MECOM: variants seen among roughly 807,000 people sequenced by gnomAD.
The protein encoded by MECOM is MDS1 and EVI1 complex locus, also known as histone-lysine N-methyltransferase MECOM.
MECOM carries 13 observed loss-of-function variants against 116.3 expected under a neutral mutation model. The observed-to-expected ratio is 0.11, with a 90% CI of 0.07 to 0.18. MECOM has a LOEUF of 0.18. Ranked by LOEUF, MECOM falls within the 10% of genes least tolerant of loss-of-function variation. The probability of loss-of-function intolerance (pLI) is 1.00; values close to 1 mark genes in which losing one functional copy is unlikely to be tolerated. For missense variants in MECOM, 1,299 were observed against 1,509.0 expected (o/e 0.86, Z 2.31); for synonymous variants, 528 against 535.2 (o/e 0.99, Z 0.19).
At chr3:169,099,114 A>G (rs1178058962) in intron 12 of MECOM, among the ~76,000 whole-genome samples, 2 of 98,382 alleles carry the variant, frequency 2.0e-5, no homozygotes, top group African/African-American at 4.9e-5. Context: ...TTCTGCAAGG[A>G]AAAAAAAAAA....
At chr3:169,629,025 A>G (rs1771741277) in intron 1 of MECOM, among the ~76,000 whole-genome samples, 1 of 151,838 alleles carries the variant, frequency 6.6e-6, no homozygotes, top group African/African-American at 2.4e-5. Context: ...GTGGTGTTTG[A>G]CTTCCCAAAG....
intron 2 of MECOM, among the ~76,000 whole-genome samples, chr3:169,354,471 A>G (rs1158437106): frequency 1.3e-5 from 2 of 151,942 alleles, no homozygotes; most frequent in African/African-American, 4.8e-5. Flanking sequence ...AGCTACTTTC[A>G]TAGGACACAA....
chr3:169,612,526 C>T (rs1769416295), intron 1 of MECOM, among the ~76,000 whole-genome samples: 2 of 151,728 alleles, frequency 1.3e-5, no homozygotes, highest in Admixed American at 1.3e-4. Flanking sequence ...TAGTTTTAAT[C>T]TGTATGTTCC....
intron 2 of MECOM, among the ~76,000 whole-genome samples, chr3:169,307,428 G>T (rs1239286447): frequency 1.3e-5 from 2 of 152,134 alleles, no homozygotes; most frequent in East Asian, 3.9e-4. Flanking sequence ...CCAAAAATTA[G>T]CTGGGTGTGG....
At chr3:169,459,915 T>C (rs533930412) in intron 1 of MECOM, among the ~76,000 whole-genome samples, 1 of 152,294 alleles carries the variant, frequency 6.6e-6, no homozygotes, top group South Asian at 2.1e-4. Flanking sequence ...GGCGTTAGTA[T>C]ACACCCCGAA....
chr3:169,503,019 T>G (rs1389201398), intron 1 of MECOM, among the ~76,000 whole-genome samples: 1 of 152,174 alleles, frequency 6.6e-6, no homozygotes, highest in Non-Finnish European at 1.5e-5. Flanking sequence ...ATGGCAACCA[T>G]TATTTAAGTA....
chr3:169,294,143 T>C (rs955440976), intron 2 of MECOM, among the ~76,000 whole-genome samples: 1 of 152,120 alleles, frequency 6.6e-6, no homozygotes, highest in Admixed American at 6.5e-5. Flanking sequence ...TTTTGGTTAG[T>C]TGATTAGTGA....
At position 169,495,130 on chromosome 3, in the gene MECOM, T is replaced by C. The variant is rs1314208270; in HGVS notation, c.38-113606A>G. On this transcript the variant is annotated intron_variant, in intron 1 of 16. Coordinates refer to ENST00000651503, the MANE Select transcript of MECOM (RefSeq NM_004991.4). ...GTAATCCTGATTCCATTCATCTTTT[T>C]TCATCAGTGCTATTTTCCAACCCGT... Among the ~76,000 whole-genome samples, 6 of 152,324 alleles carry C rather than the reference T, an allele frequency of 3.9e-5. No individual in the cohort carries two copies. In the East Asian group the frequency reaches 9.6e-4, roughly 24 times the overall value.
At chr3:169,407,002 C>T (rs1736815992) in intron 1 of MECOM, among the ~76,000 whole-genome samples, 1 of 151,888 alleles carries the variant, frequency 6.6e-6, no homozygotes, top group Admixed American at 6.6e-5. Flanking sequence ...GCCACCACGC[C>T]CAGCTAATTT....
At chr3:169,533,591 T>TTTTTTTTTTTTTTTTTTAC (rs55667588) in intron 1 of MECOM, among the ~76,000 whole-genome samples, 4 of 132,236 alleles carry the variant, frequency 3.0e-5, no homozygotes, top group Non-Finnish European at 4.8e-5. Context: ...TTTTTTTTTT[T>TTTTTTTTTTTTTTTTTTAC]ATTTCCTTAT....
intron 2 of MECOM, among the ~76,000 whole-genome samples, chr3:169,279,425 A>T (rs1456296952): frequency 2.0e-5 from 3 of 152,298 alleles, no homozygotes; most frequent in African/African-American, 7.2e-5. Flanking sequence ...GTTCAGTGGG[A>T]AATATGTTTT....
rs190284077 is a variant in MECOM, at chr3:169,657,282, C to T, written c.37+6054G>A. On this transcript the variant is annotated intron_variant, in intron 1 of 16. Coordinates refer to ENST00000651503, the MANE Select transcript of MECOM (RefSeq NM_004991.4). Reference sequence around the variant, plus strand: ...CTTAGTTGGGGTTTTTATTAAAATTCGCTATCACGATCCCTCTAGGTAACC... The same window carrying T: ...CTTAGTTGGGGTTTTTATTAAAATTTGCTATCACGATCCCTCTAGGTAACC... 2.4e-4 allele frequency among the ~76,000 whole-genome samples: 36 copies of T among 152,290 alleles called. No individual in the cohort carries two copies. The East Asian group carries it at 5.6e-3, about 24-fold the overall frequency.
chr3:169,261,146 T>C (rs569069506), intron 2 of MECOM, among the ~76,000 whole-genome samples: 1 of 152,332 alleles, frequency 6.6e-6, no homozygotes, highest in African/African-American at 2.4e-5. Context: ...TGAGATGTTA[T>C]ATCCTAAAGA....
At chr3:169,125,716 C>A (rs942761970) in intron 5 of MECOM, among the ~76,000 whole-genome samples, 3 of 152,130 alleles carry the variant, frequency 2.0e-5, no homozygotes, top group African/African-American at 7.2e-5. Flanking sequence ...GTCAGTGAGA[C>A]TTCTCTGCTT....
chr3:169,400,908 T>C (rs527420633), intron 1 of MECOM, among the ~76,000 whole-genome samples: 1 of 152,308 alleles, frequency 6.6e-6, no homozygotes, highest in South Asian at 2.1e-4. Flanking sequence ...TGCTGATGTA[T>C]GGATTCAGAA....
At chr3:169,089,966 T>C in intron 15 of MECOM, 34 bp downstream of exon 15, 1 of 1,597,516 alleles carries the variant, frequency 6.3e-7, no homozygotes, top group Non-Finnish European at 8.5e-7. Context: ...GGATCTACTC[T>C]AGCTTAGTTT....
intron 1 of MECOM, among the ~76,000 whole-genome samples, chr3:169,630,329 G>C (rs575576562): frequency 1.3e-5 from 2 of 152,128 alleles, no homozygotes; most frequent in East Asian, 3.9e-4. Flanking sequence ...ACCTCAGAAA[G>C]TCACCTTGGT....
intron 2 of MECOM, among the ~76,000 whole-genome samples, chr3:169,191,909 AG>A (rs1274062719): frequency 1.3e-5 from 2 of 152,028 alleles, no homozygotes; most frequent in Non-Finnish European, 2.9e-5. Flanking sequence ...CAGATTGTGA[AG>A]AAAAAGTGGA....
rs752754996 is a variant in MECOM, at chr3:169,143,803, G to T, written c.405C>A (p.Phe135Leu). ...EILDEFYNVK[F>L]CIDASQPDVG... ...CATCTGGTTGACTGGCATCTATGCA[G>T]AACTTCACATTGTAAAATTCGTCTA... The change falls in exon 3 of 17, where the codon TTC (phenylalanine) becomes TTA (leucine). Residue 135 changes from phenylalanine (F) to leucine (L), a missense_variant. Phe to Leu is a conservative substitution (Grantham distance 22). This residue lies in a region of MECOM where 374 missense variants were observed against 433.4 expected (regional missense o/e 0.86). Transcript: ENST00000651503. The T allele has an allele frequency of 5.8e-5, 93 of 1,608,496 alleles. No homozygotes were observed. The highest frequency in any genetic ancestry group is 7.8e-5 in the Non-Finnish European group (92 of 1,177,608).
Sources: gnomAD v4.1 joint callset for allele counts (sites outside exome capture counted in the v4.1 genomes callset) on GRCh38, gnomAD v4.1.1 for gene constraint, gnomAD v4.1.1 regional missense constraint, MANE v1.5 for transcripts, NCBI Gene and HGNC (gene_info 2026-07-23, HGNC 2026-07-21) for gene names.